VAMP7: variants seen among roughly 807,000 people sequenced by gnomAD.
VAMP7 encodes the protein vesicle-associated membrane protein 7.
VAMP7 carries 14 observed loss-of-function variants against 29.6 expected under a neutral mutation model. The ratio of observed to expected loss-of-function variants is 0.47; its 90% CI spans 0.31 to 0.74. The LOEUF is 0.74. Among genes scored for constraint, VAMP7 ranks in the 30% least tolerant of loss-of-function variants. VAMP7 has a pLI of 0.05. For missense variants in VAMP7, 223 were observed against 262.4 expected, an observed-to-expected ratio of 0.85 and a Z score of 1.04; for synonymous variants, 95 against 88.1, an observed-to-expected ratio of 1.08 and a Z score of -0.44.
chrX:155,925,682 TA>T (rs2066457665), intron 6 of VAMP7, among the ~76,000 whole-genome samples: 1 of 151,598 alleles, frequency 6.6e-6, no homozygotes, highest in African/African-American at 2.4e-5. Flanking sequence ...CTCCAGGTCT[TA>T]GATAGATAAG....
intron 6 of VAMP7, among the ~76,000 whole-genome samples, chrX:155,931,963 G>T (rs62296605): frequency 0.61 from 92,923 of 151,990 alleles, 28,513 homozygotes; most frequent in East Asian, 0.67. Flanking sequence ...GTTAAATAGG[G>T]AATCCTTTCC....
chrX:155,931,755 T>C (rs1371942180), intron 6 of VAMP7, among the ~76,000 whole-genome samples: 1 of 152,176 alleles, frequency 6.6e-6, no homozygotes, highest in South Asian at 2.1e-4. Flanking sequence ...CCATTGTTTT[T>C]GGTGTTTTAG....
intron 2 of VAMP7, among the ~76,000 whole-genome samples, chrX:155,890,395 C>G (rs1349026386): frequency 6.6e-6 from 1 of 152,104 alleles, no homozygotes; most frequent in East Asian, 1.9e-4. Flanking sequence ...GAGTCTCACT[C>G]TGTCACCCAG....
chrX:155,913,154 A>T (rs4893055), intron 5 of VAMP7, among the ~76,000 whole-genome samples: 8 of 151,878 alleles, frequency 5.3e-5, no homozygotes, highest in Admixed American at 3.9e-4. Context: ...TCATATGTTT[A>T]TTGGCCACAT....
chrX:155,902,599 A>C (rs1394841605), intron 5 of VAMP7, among the ~76,000 whole-genome samples: 1 of 151,982 alleles, frequency 6.6e-6, no homozygotes, highest in East Asian at 1.9e-4. Context: ...ATTTTGTCAA[A>C]GGCCTTTTCT....
At chrX:155,907,867 T>C (rs1028308628) in intron 5 of VAMP7, among the ~76,000 whole-genome samples, 11 of 151,822 alleles carry the variant, frequency 7.2e-5, no homozygotes, top group Admixed American at 5.2e-4. Flanking sequence ...GTGGAGGGTC[T>C]CCTCACTTCT....
At chrX:155,932,115 G>T (rs1418782713) in intron 6 of VAMP7, among the ~76,000 whole-genome samples, 1 of 152,148 alleles carries the variant, frequency 6.6e-6, no homozygotes. Context: ...CTGTAGCCTT[G>T]CAGTATAGTT....
rs1425586633 is a variant in VAMP7, at chrX:155,942,840, G to A, written c.*889G>A. The A allele has an allele frequency of 6.6e-6, 1 of 152,090 alleles. No individual in the cohort carries two copies. The highest frequency in any genetic ancestry group is 1.5e-5 in the Non-Finnish European group (1 of 68,042). 9.4% of individuals were successfully genotyped at this position (152,090 alleles called of 1,614,324 possible). ...CAGTGGATATGCTAGCATTTTAGCT[G>A]TGCAAAGGGAGGTAGTGTGGGAAAA... On this transcript the variant is annotated 3_prime_UTR_variant, in exon 8 of 8. Transcript: ENST00000286448.
At chrX:155,914,864 A>G (rs2066288218) in intron 5 of VAMP7, among the ~76,000 whole-genome samples, 1 of 152,156 alleles carries the variant, frequency 6.6e-6, no homozygotes, top group East Asian at 1.9e-4. Context: ...TATCAGGATG[A>G]TGCTGGCCTC....
chrX:155,919,186 C>T (rs2066358624), intron 5 of VAMP7, among the ~76,000 whole-genome samples: 1 of 152,090 alleles, frequency 6.6e-6, no homozygotes, highest in African/African-American at 2.4e-5. Flanking sequence ...ATGGAGTTCT[C>T]CAGTGAAGCC....
chrX:155,942,184 T>G lies in VAMP7; in HGVS notation c.*233T>G. 1 of 1,534,756 alleles carries G rather than the reference T, an allele frequency of 6.5e-7. No individual in the cohort carries two copies. Among genetic ancestry groups the G allele is most frequent in the South Asian group, 1.2e-5 (1 of 81,394 alleles). ...ATTGCAGCAGTAGCCTTAAAAAGGC[T>G]TTTGTTTATTTCTTTGGTTTGTTAA... On this transcript the variant is annotated 3_prime_UTR_variant, in exon 8 of 8. Transcript: ENST00000286448.
In VAMP7 at chrX:155,883,637, A is replaced by T. The variant is rs149344782; in HGVS notation, c.-10+2189A>T. 4.3e-3 allele frequency among the ~76,000 whole-genome samples: 654 copies of T among 152,038 alleles called. 5 individuals are homozygous for T. Among genetic ancestry groups the T allele is most frequent in the African/African-American group, 0.015 (622 of 41,486 alleles). On this transcript the variant is annotated intron_variant, in intron 1 of 7. Coordinates refer to ENST00000286448, the MANE Select transcript of VAMP7 (RefSeq NM_005638.6). ...TGAGTTAATTCTACTACTTTATTTG[A>T]ACAGTTGTATAACCTCTGTTCACAC... is the stretch of plus-strand genomic sequence containing the variant.
rs902496241 is a variant in VAMP7, at chrX:155,902,965, T to A, written c.433+2378T>A. ...AATGGTACCAGTTCCTCCTTGTACCTCTGGTAGAATTCTGCTGTGAATCCA... is the reference window on the plus strand; with the variant it reads ...AATGGTACCAGTTCCTCCTTGTACCACTGGTAGAATTCTGCTGTGAATCCA... On this transcript the variant is annotated intron_variant, in intron 5 of 7. Transcript: ENST00000286448. 2.8e-4 allele frequency among the ~76,000 whole-genome samples: 42 copies of A among 151,838 alleles called. 1 individual carries two copies. Among genetic ancestry groups the A allele is most frequent in the Non-Finnish European group, 5.1e-4 (35 of 67,972 alleles).
intron 1 of VAMP7, among the ~76,000 whole-genome samples, chrX:155,888,822 T>G (rs913187418): frequency 2.6e-5 from 4 of 152,194 alleles, no homozygotes; most frequent in Non-Finnish European, 5.9e-5. Context: ...AAATTGCAGC[T>G]CCACACTTAC....
At chrX:155,902,683 G>A (rs1211227527) in intron 5 of VAMP7, among the ~76,000 whole-genome samples, 13 of 152,098 alleles carry the variant, frequency 8.5e-5, no homozygotes, top group South Asian at 8.3e-4. Context: ...ATTGATTTGC[G>A]TATACTGAAC....
intron 6 of VAMP7, among the ~76,000 whole-genome samples, chrX:155,936,961 A>G (rs1185311036): frequency 6.6e-6 from 1 of 152,210 alleles, no homozygotes; most frequent in East Asian, 1.9e-4. Context: ...AAGAAATTCA[A>G]GAAGACACAA....
chrX:155,925,962 G>A (rs2066461363), intron 6 of VAMP7, among the ~76,000 whole-genome samples: 1 of 152,196 alleles, frequency 6.6e-6, no homozygotes, highest in Non-Finnish European at 1.5e-5. Context: ...TTGTCAATGA[G>A]CAGTAATACT....
Position 155,902,420 on chromosome X carries a change from TGA to T in VAMP7, c.433+1839_433+1840del, listed in dbSNP as rs2066077466. On this transcript the variant is annotated intron_variant, in intron 5 of 7. Transcript: ENST00000286448. ...CCAACACTATGTTGAATAGGAGTGG[TGA>T]GAGAGGGCATCCCTGTCTTGTGCCA... Among the ~76,000 whole-genome samples, 16 of 149,858 alleles carry T rather than the reference TGA, an allele frequency of 1.1e-4. No homozygotes were observed. In the South Asian group the frequency reaches 3.5e-3, roughly 33 times the overall value.
intron 6 of VAMP7, among the ~76,000 whole-genome samples, chrX:155,922,388 C>G (rs1306783821): frequency 3.3e-5 from 5 of 151,838 alleles, no homozygotes; most frequent in African/African-American, 9.6e-5. Context: ...TTGTAGGTAC[C>G]CTTTAATAGG....
Sources: allele counts gnomAD v4.1 joint callset (sites outside exome capture counted in the v4.1 genomes callset), GRCh38; gene constraint gnomAD v4.1.1; transcripts MANE v1.5; gene names NCBI Gene and HGNC (gene_info 2026-07-23, HGNC 2026-07-21).